KIAA1549L: variants seen among roughly 807,000 people sequenced by gnomAD.
KIAA1549L encodes UPF0606 protein KIAA1549L.
KIAA1549L carries 88 observed loss-of-function variants against 160.7 expected under a neutral mutation model. That is an observed-to-expected ratio of 0.55 (90% CI 0.46 to 0.65). KIAA1549L has a LOEUF of 0.65. Among genes scored for constraint, KIAA1549L ranks in the 30% least tolerant of loss-of-function variants. The pLI is 0.00. For missense variants in KIAA1549L, 2,258 were observed against 2,437.5 expected (o/e 0.93, Z 1.55); for synonymous variants, 950 against 976.7 (o/e 0.97, Z 0.51).
intron 1 of KIAA1549L, among the ~76,000 whole-genome samples, chr11:33,505,885 G>A (rs1387316779): frequency 6.6e-6 from 1 of 152,050 alleles, no homozygotes; most frequent in Non-Finnish European, 1.5e-5. Flanking sequence ...GATAATAATC[G>A]ATTATATTTA....
At chr11:33,618,001 A>C (rs1850863853) in intron 15 of KIAA1549L, among the ~76,000 whole-genome samples, 1 of 152,218 alleles carries the variant, frequency 6.6e-6, no homozygotes, top group African/African-American at 2.4e-5. Context: ...ATCTGGGTTT[A>C]TGGCTTCTTA....
intron 1 of KIAA1549L, among the ~76,000 whole-genome samples, chr11:33,398,147 C>T (rs565585030): frequency 6.5e-4 from 98 of 151,582 alleles, no homozygotes; most frequent in African/African-American, 2.3e-3. Context: ...CTCTTAAACT[C>T]CTGACCTCAA....
chr11:33,480,840 GT>G (rs1852396748), intron 1 of KIAA1549L, among the ~76,000 whole-genome samples: 1 of 152,142 alleles, frequency 6.6e-6, no homozygotes, highest in Non-Finnish European at 1.5e-5. Flanking sequence ...GCAGCCATGT[GT>G]CACCCCCATC....
At chr11:33,383,415 G>A (rs1850112301) in intron 1 of KIAA1549L, among the ~76,000 whole-genome samples, 1 of 152,108 alleles carries the variant, frequency 6.6e-6, no homozygotes, top group Admixed American at 6.6e-5. Flanking sequence ...ATTATTCTGG[G>A]TCACGGGATG....
At chr11:33,598,164 CAGTT>C (rs1014768485) in intron 12 of KIAA1549L, among the ~76,000 whole-genome samples, 3 of 149,522 alleles carry the variant, frequency 2.0e-5, no homozygotes, top group African/African-American at 7.5e-5. Flanking sequence ...GCAGTTGCCA[CAGTT>C]AGAGAGTTAG....
At chr11:33,433,789 A>G (rs1309432264) in intron 1 of KIAA1549L, among the ~76,000 whole-genome samples, 2 of 152,208 alleles carry the variant, frequency 1.3e-5, no homozygotes, top group African/African-American at 2.4e-5. Context: ...TTCTTTGCAG[A>G]GACTTAGATG....
At chr11:33,399,648 C>G (rs1373201407) in intron 1 of KIAA1549L, among the ~76,000 whole-genome samples, 1 of 152,226 alleles carries the variant, frequency 6.6e-6, no homozygotes, top group East Asian at 1.9e-4. Context: ...AACTGGCCAT[C>G]TGTTCCCCCT....
intron 11 of KIAA1549L, among the ~76,000 whole-genome samples, chr11:33,588,364 G>A (rs1400336070): frequency 1.3e-5 from 2 of 152,182 alleles, no homozygotes; most frequent in Non-Finnish European, 2.9e-5. Context: ...AGGTTCAGCT[G>A]GCATGTGAAG....
At chr11:33,521,569 G>A (rs552361736) in intron 1 of KIAA1549L, among the ~76,000 whole-genome samples, 14 of 152,348 alleles carry the variant, frequency 9.2e-5, no homozygotes, top group African/African-American at 3.4e-4. Flanking sequence ...TATTGAATGA[G>A]TGTGGAAAGG....
chr11:33,532,176 G>A (rs1287359089), intron 1 of KIAA1549L, among the ~76,000 whole-genome samples: 2 of 152,176 alleles, frequency 1.3e-5, no homozygotes, highest in African/African-American at 4.8e-5. Context: ...TTGGTAAAAT[G>A]GAGATAATCT....
chr11:33,630,536 C>T (rs1346166203), intron 16 of KIAA1549L, among the ~76,000 whole-genome samples: 1 of 152,216 alleles, frequency 6.6e-6, no homozygotes, highest in African/African-American at 2.4e-5. Context: ...GGGAGTGACC[C>T]GATTTTCCAG....
chr11:33,647,788 T>C lies in KIAA1549L; in HGVS notation c.5760+1752T>C, dbSNP rs1013188016. ...ATCGTATCTCAATTTTGTAAAACCATCTAAAAAAAAAAAATCCATTGTGGG... is the reference window on the plus strand; with the variant it reads ...ATCGTATCTCAATTTTGTAAAACCACCTAAAAAAAAAAAATCCATTGTGGG... On this transcript the variant is annotated intron_variant, in intron 17 of 20. Transcript: ENST00000658780. Among the ~76,000 whole-genome samples the C allele has an allele frequency of 2.3e-3, 91 of 39,282 alleles. No individual in the cohort carries two copies. The African/African-American group carries it at 0.027, about 12-fold the overall frequency. The allele number at this position is 39,282 out of a possible 152,430, so 25.8% of individuals were successfully genotyped here.
rs1284266912 is a variant in KIAA1549L at position 33,530,432 on chromosome 11, AAAAAATATATATATATATATATAT to A, written c.239-11368_239-11345del. Among the ~76,000 whole-genome samples, 58 of 10,318 alleles carry A rather than the reference AAAAAATATATATATATATATATAT, an allele frequency of 5.6e-3. 5 individuals carry two copies. Among genetic ancestry groups the A allele is most frequent in the African/African-American group, 0.019 (47 of 2,510 alleles). 6.8% of individuals were successfully genotyped at this position (10,318 alleles called of 152,430 possible). On this transcript the variant is annotated intron_variant, in intron 1 of 20. Transcript: ENST00000658780. ...GAAGAAGGAAAAAAAAAAAAAAAAA[AAAAAATATATATATATATATATAT>A]ATATATATATATATATATATATATA...
intron 16 of KIAA1549L, among the ~76,000 whole-genome samples, chr11:33,641,242 C>T (rs1351521586): frequency 1.3e-5 from 2 of 152,162 alleles, no homozygotes; most frequent in African/African-American, 4.8e-5. Flanking sequence ...ACAATTACAG[C>T]TTCACCTCTG....
chr11:33,613,412 G>A (rs762462642), intron 15 of KIAA1549L, among the ~76,000 whole-genome samples: 2 of 152,132 alleles, frequency 1.3e-5, no homozygotes, highest in Non-Finnish European at 2.9e-5. Flanking sequence ...CTTTTGAAAA[G>A]GAGACTGGGT....
chr11:33,444,008 T>C (rs1209582062), intron 1 of KIAA1549L, among the ~76,000 whole-genome samples: 1 of 152,216 alleles, frequency 6.6e-6, no homozygotes, highest in Non-Finnish European at 1.5e-5. Flanking sequence ...TCCTGAGTTT[T>C]TAGTTTTGTA....
intron 6 of KIAA1549L, among the ~76,000 whole-genome samples, chr11:33,553,129 A>C (rs941717495): frequency 6.6e-6 from 1 of 152,134 alleles, no homozygotes; most frequent in Non-Finnish European, 1.5e-5. Context: ...AGATGCTCTA[A>C]ACAGCCCTTT....
At chr11:33,660,427 C>T (rs567253651) in intron 19 of KIAA1549L, among the ~76,000 whole-genome samples, 87 of 152,230 alleles carry the variant, frequency 5.7e-4, no homozygotes, top group African/African-American at 2.0e-3. Flanking sequence ...TAGCCAGGCA[C>T]AGTGGCAGGC....
chr11:33,535,356 A>G (rs1470153236), intron 1 of KIAA1549L, among the ~76,000 whole-genome samples: 1 of 152,018 alleles, frequency 6.6e-6, no homozygotes, highest in Non-Finnish European at 1.5e-5. Flanking sequence ...GTTACATCCC[A>G]TCTCCTATTC....
Sources: allele counts gnomAD v4.1 joint callset (sites outside exome capture counted in the v4.1 genomes callset), GRCh38; gene constraint gnomAD v4.1.1; transcripts MANE v1.5; gene names NCBI Gene and HGNC (gene_info 2026-07-23, HGNC 2026-07-21).